SCRN1: variants seen among roughly 807,000 people sequenced by gnomAD.
SCRN1 encodes secernin 1, also known as secernin-1.
A neutral mutation model predicts 43.3 loss-of-function variants in SCRN1; 19 were observed. The ratio of observed to expected loss-of-function variants is 0.44; its 90% CI spans 0.31 to 0.64. The LOEUF is 0.64. Among genes scored for constraint, SCRN1 ranks in the 30% least tolerant of loss-of-function variants. The pLI is 0.09. For missense variants in SCRN1, 447 were observed against 524.1 expected (o/e 0.85, Z 1.44); for synonymous variants, 183 against 188.9 (o/e 0.97, Z 0.26).
At chr7:29,947,765 C>T (rs1185450525) in intron 3 of SCRN1, among the ~76,000 whole-genome samples, 6 of 152,188 alleles carry the variant, frequency 3.9e-5, no homozygotes, top group East Asian at 3.8e-4. Flanking sequence ...GTATGGTACA[C>T]GGGGCCTTTG....
At chr7:29,953,528 T>C (rs1483281857) in intron 3 of SCRN1, among the ~76,000 whole-genome samples, 1 of 150,652 alleles carries the variant, frequency 6.6e-6, no homozygotes, top group East Asian at 1.9e-4. Flanking sequence ...TGTCAAAACA[T>C]AAGCTAAAAA....
chr7:29,951,576 A>G (rs1446048721), intron 3 of SCRN1, among the ~76,000 whole-genome samples: 2 of 152,176 alleles, frequency 1.3e-5, no homozygotes, highest in South Asian at 2.1e-4. Flanking sequence ...TCTATTGGCT[A>G]CTCATTACTT....
intron 3 of SCRN1, among the ~76,000 whole-genome samples, chr7:29,948,011 C>A (rs139831619): frequency 6.6e-6 from 1 of 152,296 alleles, no homozygotes; most frequent in East Asian, 1.9e-4. Flanking sequence ...GTTTCAACCC[C>A]CTAGGCTATG....
At chr7:29,943,446 GATC>G (rs1319779628) in intron 4 of SCRN1, among the ~76,000 whole-genome samples, 5 of 152,156 alleles carry the variant, frequency 3.3e-5, no homozygotes, top group Non-Finnish European at 7.3e-5. Flanking sequence ...CTTCTGGGTG[GATC>G]ATCTAGTCCT....
At chr7:29,974,685 C>G (rs57858543) in intron 1 of SCRN1, among the ~76,000 whole-genome samples, 1 of 134,212 alleles carries the variant, frequency 7.5e-6, no homozygotes, top group Admixed American at 7.7e-5. Flanking sequence ...TTCTTTCTTT[C>G]TTTTTTTTTT....
rs1224226858 is a variant in SCRN1, at chr7:29,924,020, G to C, written c.1182C>G (p.Asp394Glu). 13 of 1,614,146 alleles carry C rather than the reference G, an allele frequency of 8.1e-6. No individual in the cohort carries two copies. Among genetic ancestry groups the C allele is most frequent in the Non-Finnish European group, 1.1e-5 (13 of 1,180,016 alleles). The change falls in exon 8 of 8, where the codon GAC becomes GAG. Residue 394 changes from aspartate to glutamate, a missense_variant. Coordinates refer to ENST00000242059, the MANE Select transcript of SCRN1 (RefSeq NM_014766.5). ...EEILTSSEPLDPAEVGDLFYD... is the reference protein window; with the variant it reads ...EEILTSSEPLEPAEVGDLFYD... ...AGAAAAGGTCCCCCACTTCCGCAGG[G>C]TCCAGTGGCTCGGAGCTGGTCAGGA...
At chr7:29,972,148 T>C (rs984560416) in intron 1 of SCRN1, among the ~76,000 whole-genome samples, 3 of 152,226 alleles carry the variant, frequency 2.0e-5, no homozygotes, top group African/African-American at 2.4e-5. Context: ...AATGCCTTTA[T>C]AGAGTGCTAC....
intron 3 of SCRN1, 81 bp downstream of exon 3, chr7:29,955,098 G>A: frequency 8.1e-7 from 1 of 1,238,296 alleles, no homozygotes; most frequent in Admixed American, 2.2e-5. Context: ...GTTAAAAAAT[G>A]CAAGGTTTAG....
At chr7:29,951,155 GCA>G (rs1429314643) in intron 3 of SCRN1, among the ~76,000 whole-genome samples, 1 of 152,212 alleles carries the variant, frequency 6.6e-6, no homozygotes, top group Non-Finnish European at 1.5e-5. Context: ...AAGCTTCCAG[GCA>G]CCACGTTTCT....
intron 1 of SCRN1, among the ~76,000 whole-genome samples, chr7:29,972,103 A>G (rs887229661): frequency 2.6e-5 from 4 of 152,252 alleles, no homozygotes; most frequent in Non-Finnish European, 2.9e-5. Context: ...AAGAATGTGT[A>G]TGCACAAGAA....
chr7:29,985,573 T>C (rs868537614), intron 1 of SCRN1, among the ~76,000 whole-genome samples: 1 of 152,184 alleles, frequency 6.6e-6, no homozygotes. Flanking sequence ...CATTTCGATA[T>C]GGGAACACAG....
intron 1 of SCRN1, among the ~76,000 whole-genome samples, chr7:29,983,630 A>T (rs1789062988): frequency 6.6e-6 from 1 of 152,216 alleles, no homozygotes; most frequent in East Asian, 1.9e-4. Context: ...AAAATCTGAC[A>T]AAAAATGATC....
At chr7:29,976,015 G>T (rs1356731951) in intron 1 of SCRN1, among the ~76,000 whole-genome samples, 1 of 152,176 alleles carries the variant, frequency 6.6e-6, no homozygotes, top group Non-Finnish European at 1.5e-5. Flanking sequence ...TAAATGTAAA[G>T]GTATCATGTA....
intron 1 of SCRN1, 28 bp from the exon 2 acceptor site, chr7:29,969,096 A>G (rs750942576): frequency 3.1e-6 from 5 of 1,603,174 alleles, no homozygotes; most frequent in Middle Eastern, 1.7e-4. Context: ...GCAAGAGTGG[A>G]AGCAGGCCTC....
intron 2 of SCRN1, among the ~76,000 whole-genome samples, chr7:29,958,924 T>C (rs1031791291): frequency 1.3e-5 from 2 of 152,188 alleles, no homozygotes; most frequent in African/African-American, 4.8e-5. Context: ...CTTGCCACTC[T>C]CTCAGGGACC....
intron 7 of SCRN1, 92 bp downstream of exon 7, chr7:29,926,360 G>A: frequency 7.2e-7 from 1 of 1,383,046 alleles, no homozygotes; most frequent in East Asian, 2.3e-5. Context: ...TGGGGGTAGG[G>A]TCTAGCTTGA....
At chr7:29,956,534 C>T (rs1788142752) in intron 2 of SCRN1, among the ~76,000 whole-genome samples, 1 of 152,128 alleles carries the variant, frequency 6.6e-6, no homozygotes, top group Admixed American at 6.5e-5. Flanking sequence ...ACTCAAGACC[C>T]AGCTATATCG....
chr7:29,983,907 T>A (rs1233279399), intron 1 of SCRN1, among the ~76,000 whole-genome samples: 2 of 152,108 alleles, frequency 1.3e-5, no homozygotes, highest in African/African-American at 2.4e-5. Flanking sequence ...AAAGGAAGAA[T>A]GAAATCTGTT....
chr7:29,931,816 A>C (rs1034834741), intron 6 of SCRN1, among the ~76,000 whole-genome samples: 7 of 152,168 alleles, frequency 4.6e-5, no homozygotes, highest in Non-Finnish European at 8.8e-5. Context: ...AATTTGAACC[A>C]ATCTCAAATA....
Sources: gnomAD v4.1 joint callset for allele counts (sites outside exome capture counted in the v4.1 genomes callset) on GRCh38, gnomAD v4.1.1 for gene constraint, MANE v1.5 for transcripts, NCBI Gene and HGNC (gene_info 2026-07-23, HGNC 2026-07-21) for gene names.